CADPS2: variants seen among roughly 807,000 people sequenced by gnomAD.
CADPS2 encodes the protein calcium dependent secretion activator 2, also known as calcium-dependent secretion activator 2.
Under a neutral mutation model 172.5 loss-of-function variants are expected in CADPS2, and 93 were observed. The observed-to-expected ratio is 0.54, with a 90% CI of 0.46 to 0.64. CADPS2 has a LOEUF of 0.64. CADPS2 is among the 30% of genes least tolerant of loss of function. The pLI, the probability that CADPS2 is intolerant of heterozygous loss-of-function variation, is 0.00. For missense variants in CADPS2, 1,420 were observed against 1,565.9 expected (o/e 0.91, Z 1.57); for synonymous variants, 546 against 555.2 (o/e 0.98, Z 0.23).
At chr7:122,394,180 T>C (rs908557434) in intron 20 of CADPS2, among the ~76,000 whole-genome samples, 2 of 152,236 alleles carry the variant, frequency 1.3e-5, no homozygotes, top group Non-Finnish European at 2.9e-5. Context: ...CTGGATTTTT[T>C]AGTTTTCCAT....
chr7:122,797,883 T>C (rs1276642487), intron 1 of CADPS2, among the ~76,000 whole-genome samples: 2 of 152,236 alleles, frequency 1.3e-5, no homozygotes, highest in East Asian at 3.9e-4. Context: ...AAAAAATAAA[T>C]AAAAATATTT....
intron 1 of CADPS2, among the ~76,000 whole-genome samples, chr7:122,737,713 T>G (rs961687267): frequency 1.3e-5 from 2 of 152,052 alleles, no homozygotes. Context: ...ACAGGGAAAA[T>G]ATAAAATTTG....
intron 28 of CADPS2, among the ~76,000 whole-genome samples, chr7:122,334,852 T>A (rs888030041): frequency 2.6e-5 from 4 of 152,210 alleles, no homozygotes; most frequent in African/African-American, 9.6e-5. Flanking sequence ...AAATAAAAAT[T>A]TTTCAAAAAT....
chr7:122,775,461 A>C (rs1181872085), intron 1 of CADPS2, among the ~76,000 whole-genome samples: 1 of 152,206 alleles, frequency 6.6e-6, no homozygotes, highest in Admixed American at 6.5e-5. Context: ...ACACCTGAGA[A>C]AACTCAGAGC....
chr7:122,579,721 T>C (rs1273910252), intron 7 of CADPS2, among the ~76,000 whole-genome samples: 2 of 152,012 alleles, frequency 1.3e-5, no homozygotes, highest in Admixed American at 1.3e-4. Flanking sequence ...AAAGCTCTTG[T>C]ATTAGATTAT....
intron 3 of CADPS2, among the ~76,000 whole-genome samples, chr7:122,652,943 AAT>A (rs1310687731): frequency 3.3e-5 from 5 of 152,224 alleles, no homozygotes; most frequent in African/African-American, 4.8e-5. Flanking sequence ...GTTGATAATT[AAT>A]ATGTTACTGG....
In CADPS2 at chr7:122,750,342, G is replaced by A. The variant is rs931861624; in HGVS notation, c.340-13274C>T. On this transcript the variant is annotated intron_variant, in intron 1 of 29. Coordinates refer to ENST00000449022, the MANE Select transcript of CADPS2 (RefSeq NM_017954.11). ...TAAATATGTCCTATGCAGTATTTGGGATATATACTAAAAAGAATCCATTAT... is the reference window on the plus strand; with the variant it reads ...TAAATATGTCCTATGCAGTATTTGGAATATATACTAAAAAGAATCCATTAT... Among the ~76,000 whole-genome samples the A allele has an allele frequency of 2.6e-5, 4 of 152,144 alleles. No individual in the cohort carries two copies. In the East Asian group the frequency reaches 7.7e-4, roughly 29 times the overall value.
At chr7:122,534,752 GA>G in intron 8 of CADPS2, among the ~76,000 whole-genome samples, 1 of 151,980 alleles carries the variant, frequency 6.6e-6, no homozygotes, top group South Asian at 2.1e-4. Flanking sequence ...ATTTAAACAG[GA>G]AAAAAGTGCA....
chr7:122,620,964 T>C (rs1340553573), intron 5 of CADPS2, among the ~76,000 whole-genome samples: 1 of 152,170 alleles, frequency 6.6e-6, no homozygotes, highest in Non-Finnish European at 1.5e-5. Flanking sequence ...TGGAATGCAG[T>C]GTCATGATCA....
At chr7:122,322,749 T>C (rs1194557895) in intron 29 of CADPS2, among the ~76,000 whole-genome samples, 2 of 152,236 alleles carry the variant, frequency 1.3e-5, no homozygotes, top group Non-Finnish European at 2.9e-5. Flanking sequence ...ATTTGTTTTT[T>C]TCTTAGTGTG....
Position 122,886,179 on chromosome 7 carries a change from C to A in CADPS2, c.159G>T (p.Ala53=). The A allele has an allele frequency of 1.4e-6, 2 of 1,478,708 alleles. No individual in the cohort carries two copies. The highest frequency in any genetic ancestry group is 1.4e-5 in the South Asian group (1 of 73,776). The allele number at this position is 1,478,708 out of a possible 1,614,324, so 91.6% of individuals were successfully genotyped here. A position where few individuals can be genotyped will look rare whatever the true frequency, so the allele number is the denominator to read the frequency against. Reference sequence around the variant, plus strand: ...AGGGGCTCGGGCTCACAGATCTGGCCGCGCCGCCGCCGCCCGCGCGCCCCG... The same window carrying A: ...AGGGGCTCGGGCTCACAGATCTGGCAGCGCCGCCGCCGCCCGCGCGCCCCG... ...DAPGRAGGGG[A]ARSVSPSPSV... Residue 53 remains alanine (A), a synonymous_variant, in exon 1 of 30, where the codon GCG becomes GCT. Transcript: ENST00000449022.
intron 1 of CADPS2, among the ~76,000 whole-genome samples, chr7:122,744,569 T>C (rs1455351372): frequency 6.6e-6 from 1 of 152,170 alleles, no homozygotes; most frequent in Non-Finnish European, 1.5e-5. Context: ...TGGCTGGATA[T>C]AGATTGAAAA....
chr7:122,414,172 A>G (rs1359085524), intron 18 of CADPS2, 96 bp from the exon 19 acceptor site: 2 of 789,384 alleles, frequency 2.5e-6, no homozygotes, highest in Non-Finnish European at 3.8e-6. Flanking sequence ...ATAGTCCTAT[A>G]TTTCAGTATA....
At chr7:122,449,832 C>T (rs2052810785) in intron 15 of CADPS2, among the ~76,000 whole-genome samples, 2 of 151,978 alleles carry the variant, frequency 1.3e-5, no homozygotes, top group South Asian at 4.1e-4. Context: ...GTGGGATTGT[C>T]TCATGTACTG....
At chr7:122,612,207 CA>C (rs1330378716) in intron 6 of CADPS2, among the ~76,000 whole-genome samples, 5 of 150,712 alleles carry the variant, frequency 3.3e-5, no homozygotes, top group African/African-American at 4.9e-5. Context: ...AACAATTAGT[CA>C]AAAAAAATAA....
At chr7:122,427,488 A>G (rs2049317687) in intron 17 of CADPS2, 1 of 152,206 alleles carries the variant, frequency 6.6e-6, no homozygotes, top group African/African-American at 2.4e-5. Context: ...TTAGATCTAT[A>G]ATCTCTCTGG....
At chr7:122,499,678 A>G (rs1563518917) in intron 9 of CADPS2, among the ~76,000 whole-genome samples, 1 of 152,204 alleles carries the variant, frequency 6.6e-6, no homozygotes, top group Non-Finnish European at 1.5e-5. Flanking sequence ...TTCAGAAAAG[A>G]AAAGAAGAAA....
intron 20 of CADPS2, among the ~76,000 whole-genome samples, chr7:122,399,628 T>A (rs1450873699): frequency 6.8e-6 from 1 of 147,898 alleles, no homozygotes; most frequent in Admixed American, 6.8e-5. Flanking sequence ...TACAGCTATA[T>A]CATGATCGAT....
intron 20 of CADPS2, among the ~76,000 whole-genome samples, chr7:122,402,773 G>GCACACA (rs1259344360): frequency 6.6e-6 from 1 of 151,890 alleles, no homozygotes; most frequent in Non-Finnish European, 1.5e-5. Flanking sequence ...TTTGTGTAAC[G>GCACACA]CACACACACA....
Sources: gnomAD v4.1 joint callset for allele counts (sites outside exome capture counted in the v4.1 genomes callset) on GRCh38, gnomAD v4.1.1 for gene constraint, MANE v1.5 for transcripts, NCBI Gene and HGNC (gene_info 2026-07-23, HGNC 2026-07-21) for gene names.